CAST: variants seen among roughly 807,000 people sequenced by gnomAD.
CAST encodes MIR583 host.
In CAST, 76 loss-of-function variants were observed where a neutral mutation model predicts 119.6. That is an observed-to-expected ratio of 0.64 (90% CI 0.53 to 0.77). CAST has a LOEUF of 0.77. Ranked by LOEUF, CAST falls within the 30% of genes least tolerant of loss-of-function variation. The probability of loss-of-function intolerance (pLI) is 0.00; values close to 1 mark genes in which losing one functional copy is unlikely to be tolerated. For synonymous variants in CAST, 319 were observed against 331.6 expected, an observed-to-expected ratio of 0.96 and a Z score of 0.41; for missense variants, 953 against 946.5, an observed-to-expected ratio of 1.01 and a Z score of -0.09.
chr5:96,275,970 A>G, the CAST span, among the ~76,000 whole-genome samples: 1 of 152,208 alleles, frequency 6.6e-6, no homozygotes, highest in Non-Finnish European at 1.5e-5. Context: ...TTTTTCCAAA[A>G]GCTATTATTT....
chr5:96,313,684 C>T, the CAST span, among the ~76,000 whole-genome samples: 1 of 152,150 alleles, frequency 6.6e-6, no homozygotes, highest in African/African-American at 2.4e-5. Context: ...GTAACCTTCA[C>T]TTTATAAACT....
chr5:96,252,357 T>A, the CAST span, among the ~76,000 whole-genome samples: 1 of 152,140 alleles, frequency 6.6e-6, no homozygotes, highest in South Asian at 2.1e-4. Flanking sequence ...ATTCATTCAG[T>A]TAGTACCTAC....
At chr5:96,375,851 G>T in the CAST span, among the ~76,000 whole-genome samples, 10 of 149,080 alleles carry the variant, frequency 6.7e-5, no homozygotes, top group African/African-American at 2.5e-4. Context: ...AAACTTGCCA[G>T]CCCCCACAAT....
chr5:96,679,294 T>C (rs911605928), intron 2 of CAST: 2 of 152,264 alleles, frequency 1.3e-5, no homozygotes, highest in African/African-American at 4.8e-5. Flanking sequence ...CCAATTGTTA[T>C]GAATTTTTCA....
At chr5:96,665,915 C>T (rs1051645120) in intron 1 of CAST, among the ~76,000 whole-genome samples, 1 of 151,800 alleles carries the variant, frequency 6.6e-6, no homozygotes, top group South Asian at 2.1e-4. Context: ...TCTGTATGTA[C>T]ACATGCATGT....
the CAST span, among the ~76,000 whole-genome samples, chr5:96,400,883 C>G: frequency 2.0e-5 from 3 of 151,368 alleles, no homozygotes; most frequent in African/African-American, 2.4e-5. Context: ...GTCAGGAGAT[C>G]GAGACCATCT....
chr5:96,629,797 T>A (rs1467690570), intron 1 of CAST, among the ~76,000 whole-genome samples: 3 of 152,268 alleles, frequency 2.0e-5, no homozygotes, highest in African/African-American at 7.2e-5. Context: ...CATCACTCTC[T>A]GCCTAAACTT....
the CAST span, among the ~76,000 whole-genome samples, chr5:96,127,977 CT>C: frequency 6.6e-6 from 1 of 152,032 alleles, no homozygotes; most frequent in Non-Finnish European, 1.5e-5. Context: ...TTTGTTGTGT[CT>C]TTGTCAGCTT....
chr5:96,729,764 C>CCGTATCTTATTATCCAGTTGA, intron 8 of CAST, 39 bp downstream of exon 8: 1 of 859,532 alleles, frequency 1.2e-6, no homozygotes. Flanking sequence ...TTAACATCAA[C>CCGTATCTTATTATCCAGTTGA]TGGATAATAA....
At chr5:96,144,672 ATTT>A in the CAST span, among the ~76,000 whole-genome samples, 6 of 141,202 alleles carry the variant, frequency 4.2e-5, no homozygotes, top group Admixed American at 7.1e-5. Context: ...CCCAGACACC[ATTT>A]TTTTTTTTTT....
At chr5:96,723,835 T>C (rs1758747588) in intron 4 of CAST, among the ~76,000 whole-genome samples, 1 of 152,208 alleles carries the variant, frequency 6.6e-6, no homozygotes, top group Admixed American at 6.5e-5. Context: ...TTGTTTAAAA[T>C]TACCAACCTA....
the CAST span, among the ~76,000 whole-genome samples, chr5:96,435,047 C>T: frequency 6.6e-6 from 1 of 152,184 alleles, no homozygotes; most frequent in South Asian, 2.1e-4. Flanking sequence ...TCCCTTCACA[C>T]CTCGGCCTGA....
At chr5:96,326,607 C>T in the CAST span, among the ~76,000 whole-genome samples, 1 of 151,154 alleles carries the variant, frequency 6.6e-6, no homozygotes, top group Admixed American at 6.6e-5. Flanking sequence ...CATTATTATA[C>T]TTGTTAACGG....
chr5:96,684,256 A>G (rs1324620796), intron 2 of CAST, among the ~76,000 whole-genome samples: 2 of 152,210 alleles, frequency 1.3e-5, no homozygotes, highest in Non-Finnish European at 2.9e-5. Flanking sequence ...TGCCTGGGAC[A>G]TATGAGGTGC....
chr5:96,090,708 G>A, the CAST span, among the ~76,000 whole-genome samples: 1 of 152,000 alleles, frequency 6.6e-6, no homozygotes, highest in Non-Finnish European at 1.5e-5. Flanking sequence ...TTAAAATAAA[G>A]TACCTTCTGA....
rs527636616 is a variant in CAST at position 96,626,831 on chromosome 5, G to A, written c.61-48708G>A. 2.0e-5 allele frequency among the ~76,000 whole-genome samples: 3 copies of A among 152,274 alleles called. No individual in the cohort carries two copies. In the South Asian group the frequency reaches 6.2e-4, roughly 32 times the overall value. On this transcript the variant is annotated intron_variant, in intron 1 of 11. Transcript: ENST00000505143. ...CGCCGAGGCCTGGGACAGTACCCAC[G>A]CACAGCAAGAGCTCCATCAACATTT...
At chr5:96,704,492 C>G (rs1754546216) in intron 3 of CAST, among the ~76,000 whole-genome samples, 2 of 152,098 alleles carry the variant, frequency 1.3e-5, no homozygotes, top group African/African-American at 4.8e-5. Flanking sequence ...TGTTTCTATT[C>G]ATTGTTTATA....
rs191566489 is a variant in CAST, at chr5:96,648,166, T to C, written c.61-27373T>C. On this transcript the variant is annotated intron_variant, in intron 1 of 11. Coordinates refer to the CAST transcript ENST00000505143. ...TTTTCCACTAGGCTTTGGATGTTTT[T>C]ACTCAAGTTGTTTCTTCTGCCTAGA... 3.4e-4 allele frequency among the ~76,000 whole-genome samples: 52 copies of C among 152,352 alleles called. 1 individual carries two copies. Among genetic ancestry groups the C allele is most frequent in the Admixed American group, 2.9e-3 (44 of 15,298 alleles).
chr5:96,431,327 T>A, the CAST span, among the ~76,000 whole-genome samples: 1 of 152,244 alleles, frequency 6.6e-6, no homozygotes, highest in Non-Finnish European at 1.5e-5. Context: ...TGGCAACCTT[T>A]GACTTCTGTT....
Sources: allele counts gnomAD v4.1 joint callset (sites outside exome capture counted in the v4.1 genomes callset), GRCh38; gene constraint gnomAD v4.1.1; transcripts MANE v1.5; gene names NCBI Gene and HGNC (gene_info 2026-07-23, HGNC 2026-07-21).